KYAT3: variants seen among roughly 807,000 people sequenced by gnomAD.
KYAT3 encodes kynurenine--oxoglutarate transaminase 3.
In KYAT3, 50 loss-of-function variants were observed where a neutral mutation model predicts 59.0. The ratio of observed to expected loss-of-function variants is 0.85; its 90% CI spans 0.68 to 1.07. The LOEUF is 1.07. KYAT3 is among the 50% of genes least tolerant of loss of function. The pLI is 0.00. For missense variants in KYAT3, 497 were observed against 533.3 expected, an observed-to-expected ratio of 0.93 and a Z score of 0.67; for synonymous variants, 148 against 177.0, an observed-to-expected ratio of 0.84 and a Z score of 1.30.
chr1:88,930,064 A>G, the KYAT3 span, among the ~76,000 whole-genome samples: 539 of 152,286 alleles, frequency 3.5e-3, 2 homozygotes, highest in African/African-American at 0.012. Context: ...AAAAAACCGG[A>G]ATAGCTCTAG....
At chr1:88,984,135 G>A (rs1003774445) in intron 2 of KYAT3, 6 of 311,710 alleles carry the variant, frequency 1.9e-5, no homozygotes, top group Non-Finnish European at 3.8e-5. Context: ...GATGCTTAAA[G>A]ATACATAAAA....
At chr1:88,952,769 C>T (rs1014190278) in intron 10 of KYAT3, among the ~76,000 whole-genome samples, 1 of 152,152 alleles carries the variant, frequency 6.6e-6, no homozygotes, top group Non-Finnish European at 1.5e-5. Context: ...GGATTGCTTT[C>T]ATGGGGCAAA....
chr1:88,964,361 C>T (rs1012776052), intron 5 of KYAT3, among the ~76,000 whole-genome samples: 3 of 152,136 alleles, frequency 2.0e-5, no homozygotes, highest in Admixed American at 2.0e-4. Flanking sequence ...AGTGTTAGTC[C>T]CTTCCATCTG....
chr1:88,992,064 C>T (rs1677834014), intron 1 of KYAT3, among the ~76,000 whole-genome samples: 1 of 151,336 alleles, frequency 6.6e-6, no homozygotes, highest in East Asian at 2.0e-4. Flanking sequence ...CTGCAAGCTC[C>T]GCCTCCCGGG....
At chr1:88,975,784 C>T (rs936121448) in intron 2 of KYAT3, among the ~76,000 whole-genome samples, 7 of 152,196 alleles carry the variant, frequency 4.6e-5, no homozygotes, top group African/African-American at 1.4e-4. Context: ...CCTGTAGTCT[C>T]AGCACTTTGG....
the KYAT3 span, chr1:88,923,932 C>A: frequency 1.2e-5 from 2 of 164,736 alleles, no homozygotes; most frequent in Admixed American, 6.4e-5. Context: ...AAAAACCAAC[C>A]CAGAACTTTC....
chr1:88,984,686 AT>A (rs763393090), intron 2 of KYAT3, among the ~76,000 whole-genome samples: 16 of 152,324 alleles, frequency 1.1e-4, no homozygotes, highest in Non-Finnish European at 2.2e-4. Context: ...TTGTACTTCA[AT>A]AGAAAACTAT....
At chr1:88,949,356 G>A (rs1675585125) in intron 10 of KYAT3, 79 bp from the exon 11 acceptor site, 1 of 969,534 alleles carries the variant, frequency 1.0e-6, no homozygotes, top group Non-Finnish European at 1.5e-6. Flanking sequence ...ATAATAAATA[G>A]AGATGATCTG....
intron 13 of KYAT3, among the ~76,000 whole-genome samples, 199 bp from the exon 14 acceptor site, chr1:88,936,444 G>A (rs1242915794): frequency 6.6e-6 from 1 of 152,102 alleles, no homozygotes; most frequent in Non-Finnish European, 1.5e-5. Flanking sequence ...ACAGAAACAG[G>A]TCAAAGGGTA....
At chr1:88,984,036 C>A in intron 2 of KYAT3, 1 of 474,952 alleles carries the variant, frequency 2.1e-6, no homozygotes, top group Non-Finnish European at 4.0e-6. Context: ...TCTTTTGCCA[C>A]TAGATGGCAG....
intron 13 of KYAT3, among the ~76,000 whole-genome samples, chr1:88,936,467 C>A (rs1570766305): frequency 6.6e-6 from 1 of 152,170 alleles, no homozygotes; most frequent in Non-Finnish European, 1.5e-5. Context: ...GAAGAGTTTA[C>A]ACTGAAAAAT....
intron 11 of KYAT3, among the ~76,000 whole-genome samples, chr1:88,943,908 A>G (rs1301162441): frequency 6.6e-6 from 1 of 152,238 alleles, no homozygotes; most frequent in Non-Finnish European, 1.5e-5. Flanking sequence ...TCTAGCACAT[A>G]AGTGACAAAA....
At chr1:88,984,459 G>A (rs1366097280) in intron 2 of KYAT3, among the ~76,000 whole-genome samples, 1 of 152,148 alleles carries the variant, frequency 6.6e-6, no homozygotes, top group Non-Finnish European at 1.5e-5. Context: ...TGATCCGCCT[G>A]CCTCGGCCTC....
In KYAT3 at chr1:88,947,136, C is replaced by G. The variant is rs563667403; in HGVS notation, c.1141+1955G>C. On this transcript the variant is annotated intron_variant, in intron 11 of 13. Coordinates refer to ENST00000260508, the MANE Select transcript of KYAT3 (RefSeq NM_001008661.3). ...AGCTAGATACAACCTACTTGACTCG[C>G]CCACTGACCCCCACCCTCCTCATGG... Among the ~76,000 whole-genome samples the G allele has an allele frequency of 2.6e-5, 4 of 152,276 alleles. No individual in the cohort carries two copies. In the South Asian group the frequency reaches 8.3e-4, roughly 32 times the overall value.
chr1:88,923,901 G>T, the KYAT3 span: 1 of 169,162 alleles, frequency 5.9e-6, no homozygotes. Context: ...CTGGAGGAAG[G>T]AAGTACATCT....
chr1:88,989,846 C>T lies in KYAT3; in HGVS notation c.-1-1495G>A, dbSNP rs1677685772. Among the ~76,000 whole-genome samples, 3 of 152,186 alleles carry T rather than the reference C, an allele frequency of 2.0e-5. No homozygotes were observed. In the South Asian group the frequency reaches 6.2e-4, roughly 32 times the overall value. ...CCTATCTGTCTTCTACAGCACATTA[C>T]CTCCATCATGCAATGTACTTCCTGG... On this transcript the variant is annotated intron_variant, in intron 1 of 13. Coordinates refer to ENST00000260508, the MANE Select transcript of KYAT3 (RefSeq NM_001008661.3).
chr1:88,967,422 T>C (rs1676388577), intron 4 of KYAT3, among the ~76,000 whole-genome samples: 1 of 151,896 alleles, frequency 6.6e-6, no homozygotes, highest in Admixed American at 6.5e-5. Context: ...GTAATTGCGG[T>C]TTTTGTCATT....
At chr1:88,990,026 C>T (rs571992801) in intron 1 of KYAT3, among the ~76,000 whole-genome samples, 1 of 152,174 alleles carries the variant, frequency 6.6e-6, no homozygotes, top group East Asian at 1.9e-4. Context: ...TAAATTTTTC[C>T]CACACTCCTT....
At chr1:88,926,428 C>A in the KYAT3 span, among the ~76,000 whole-genome samples, 1 of 152,176 alleles carries the variant, frequency 6.6e-6, no homozygotes, top group African/African-American at 2.4e-5. Flanking sequence ...ATCCACCCCC[C>A]TCACCCCCAC....
Sources: gnomAD v4.1 joint callset for allele counts (sites outside exome capture counted in the v4.1 genomes callset) on GRCh38, gnomAD v4.1.1 for gene constraint, MANE v1.5 for transcripts, NCBI Gene and HGNC (gene_info 2026-07-23, HGNC 2026-07-21) for gene names.